Variants in TMEM266 observed in about 807,000 individuals in gnomAD.
The protein encoded by TMEM266 is Hv1 related protein 1.
Under a neutral mutation model 50.5 loss-of-function variants are expected in TMEM266, and 33 were observed. The ratio of observed to expected loss-of-function variants is 0.65; its 90% CI spans 0.50 to 0.87. The LOEUF is 0.87. TMEM266 is among the 40% of genes least tolerant of loss of function. The pLI, the probability that TMEM266 is intolerant of heterozygous loss-of-function variation, is 0.00. For synonymous variants in TMEM266, 310 were observed against 292.3 expected (o/e 1.06, Z -0.62); for missense variants, 655 against 695.1 (o/e 0.94, Z 0.65).
chr15:76,141,060 A>G (rs1211018016), intron 3 of TMEM266, among the ~76,000 whole-genome samples: 3 of 152,026 alleles, frequency 2.0e-5, no homozygotes, highest in African/African-American at 7.2e-5. Flanking sequence ...CATGACAGAG[A>G]CGGGAATAGA....
intron 3 of TMEM266, among the ~76,000 whole-genome samples, chr15:76,138,582 A>T (rs1030195203): frequency 6.6e-6 from 1 of 152,226 alleles, no homozygotes; most frequent in Non-Finnish European, 1.5e-5. Flanking sequence ...TCCCTTTATA[A>T]AGCAGACTGT....
At chr15:76,091,183 G>A (rs1275917882) in intron 1 of TMEM266, among the ~76,000 whole-genome samples, 1 of 152,114 alleles carries the variant, frequency 6.6e-6, no homozygotes, top group Non-Finnish European at 1.5e-5. Flanking sequence ...AAATGGAGAA[G>A]GCATGATGCA....
In TMEM266 at chr15:76,166,148, G is replaced by T. The variant is rs145087335; in HGVS notation, c.457-3668G>T. The stretch of plus-strand genomic sequence containing the variant: ...GAGGTGTTAAGACTATACTCAGTCT[G>T]TGCGGGGCAGGGCAGTGAGGTTCTG... On this transcript the variant is annotated intron_variant, in intron 5 of 10. Coordinates refer to ENST00000388942, the MANE Select transcript of TMEM266 (RefSeq NM_152335.3). Among the ~76,000 whole-genome samples the T allele has an allele frequency of 2.7e-3, 416 of 152,222 alleles. 1 individual carries two copies. The highest frequency in any genetic ancestry group is 9.5e-3 in the African/African-American group (394 of 41,532).
chr15:76,083,708 C>T (rs1322916377), intron 1 of TMEM266, among the ~76,000 whole-genome samples: 1 of 152,154 alleles, frequency 6.6e-6, no homozygotes, highest in Non-Finnish European at 1.5e-5. Context: ...AGTGTAATTA[C>T]TCGATTGTCT....
At chr15:76,119,391 CAAAA>C (rs57532855) in intron 1 of TMEM266, among the ~76,000 whole-genome samples, 8 of 109,752 alleles carry the variant, frequency 7.3e-5, no homozygotes, top group Non-Finnish European at 1.0e-4. Flanking sequence ...GGGTTTATGG[CAAAA>C]AAAAAAAAAA....
At chr15:76,110,597 CAG>C (rs377672469) in intron 1 of TMEM266, among the ~76,000 whole-genome samples, 31 of 152,270 alleles carry the variant, frequency 2.0e-4, no homozygotes, top group African/African-American at 7.5e-4. Flanking sequence ...GACTGCCAAA[CAG>C]GGTTGCCCAG....
At chr15:76,144,444 G>A (rs76843349) in intron 3 of TMEM266, among the ~76,000 whole-genome samples, 4,276 of 152,236 alleles carry the variant, frequency 0.028, 197 homozygotes, top group African/African-American at 0.097. Context: ...TACTGCTGCC[G>A]ATGGTGTCCC....
At chr15:76,123,120 A>G (rs1413319257) in intron 1 of TMEM266, among the ~76,000 whole-genome samples, 2 of 152,256 alleles carry the variant, frequency 1.3e-5, no homozygotes, top group Non-Finnish European at 2.9e-5. Flanking sequence ...GATGAAAGCC[A>G]CTGTGGGCTC....
At chr15:76,146,119 G>T (rs1439698169) in intron 3 of TMEM266, among the ~76,000 whole-genome samples, 2 of 152,170 alleles carry the variant, frequency 1.3e-5, no homozygotes, top group Non-Finnish European at 2.9e-5. Context: ...GTCTGGGTGA[G>T]ACCACAGGCA....
chr15:76,147,236 CAA>C (rs1157192187), intron 3 of TMEM266, among the ~76,000 whole-genome samples: 1 of 152,174 alleles, frequency 6.6e-6, no homozygotes, highest in Non-Finnish European at 1.5e-5. Flanking sequence ...GCTTTCTCCA[CAA>C]AGTCACCCTA....
At chr15:76,166,253 G>A (rs1349286488) in intron 5 of TMEM266, among the ~76,000 whole-genome samples, 2 of 152,296 alleles carry the variant, frequency 1.3e-5, no homozygotes, top group Admixed American at 1.3e-4. Context: ...AAGCCAGCAG[G>A]TGGGGTGTAT....
intron 1 of TMEM266, among the ~76,000 whole-genome samples, chr15:76,127,234 AT>A (rs922134311): frequency 1.3e-5 from 2 of 151,986 alleles, no homozygotes; most frequent in Non-Finnish European, 2.9e-5. Context: ...AATATATACA[AT>A]TTTATTTGTC....
chr15:76,088,555 G>C (rs943179147), intron 1 of TMEM266, among the ~76,000 whole-genome samples: 29 of 152,312 alleles, frequency 1.9e-4, no homozygotes, highest in African/African-American at 7.0e-4. Context: ...CCAGCACTTT[G>C]GGAGGCCAGG....
At chr15:76,075,250 T>C (rs532781332) in intron 1 of TMEM266, among the ~76,000 whole-genome samples, 19 of 151,950 alleles carry the variant, frequency 1.3e-4, no homozygotes, top group African/African-American at 4.6e-4. Context: ...AGAAGGTAGA[T>C]GGAGAAGAGA....
At chr15:76,180,808 T>C (rs973527658) in intron 8 of TMEM266, 3 of 151,896 alleles carry the variant, frequency 2.0e-5, no homozygotes, top group Admixed American at 1.3e-4. Context: ...GAGACGGGGT[T>C]TCACCATGTT....
intron 8 of TMEM266, among the ~76,000 whole-genome samples, chr15:76,184,981 G>A (rs2038472812): frequency 6.6e-6 from 1 of 152,050 alleles, no homozygotes; most frequent in Non-Finnish European, 1.5e-5. Flanking sequence ...TTGCTTCATC[G>A]GAGCCACTGT....
intron 1 of TMEM266, among the ~76,000 whole-genome samples, chr15:76,060,984 C>T (rs887510647): frequency 3.3e-5 from 5 of 152,174 alleles, no homozygotes; most frequent in African/African-American, 1.2e-4. Flanking sequence ...ATTCCATACA[C>T]CTATCACATC....
At chr15:76,129,425 T>A (rs2037471277) in intron 1 of TMEM266, among the ~76,000 whole-genome samples, 1 of 152,118 alleles carries the variant, frequency 6.6e-6, no homozygotes, top group South Asian at 2.1e-4. Context: ...GCGGATCACC[T>A]GAGTTAGGGG....
At chr15:76,088,923 G>A (rs530405499) in intron 1 of TMEM266, among the ~76,000 whole-genome samples, 3 of 150,732 alleles carry the variant, frequency 2.0e-5, no homozygotes, top group South Asian at 2.1e-4. Flanking sequence ...GTGAAACCCC[G>A]TCTCTACTAA....
Sources: gnomAD v4.1 joint callset for allele counts (sites outside exome capture counted in the v4.1 genomes callset) on GRCh38, gnomAD v4.1.1 for gene constraint, MANE v1.5 for transcripts, NCBI Gene and HGNC (gene_info 2026-07-23, HGNC 2026-07-21) for gene names.